The following CALD1 variants were observed in gnomAD, a reference collection of about 807,000 sequenced individuals.
The protein encoded by CALD1 is caldesmon 1.
Under a neutral mutation model 99.9 loss-of-function variants are expected in CALD1, and 33 were observed. The observed-to-expected ratio is 0.33, with a 90% CI of 0.25 to 0.44. The LOEUF (loss-of-function observed/expected upper bound fraction) is 0.44. CALD1 is among the 20% of genes least tolerant of loss of function. CALD1 has a pLI of 1.00. For synonymous variants in CALD1, 310 were observed against 325.0 expected (o/e 0.95, Z 0.50); for missense variants, 861 against 962.1 (o/e 0.89, Z 1.39).
chr7:134,878,539 A>T (rs1472519538), intron 3 of CALD1, among the ~76,000 whole-genome samples: 4 of 152,216 alleles, frequency 2.6e-5, no homozygotes, highest in Non-Finnish European at 4.4e-5. Context: ...ACTGCATTCC[A>T]GCCTGGGTGA....
chr7:134,747,196 C>T (rs191015036), intron 1 of CALD1, among the ~76,000 whole-genome samples: 1 of 152,074 alleles, frequency 6.6e-6, no homozygotes, highest in East Asian at 1.9e-4. Flanking sequence ...AGCCCTGGAA[C>T]CAAAGATAGA....
intron 3 of CALD1, chr7:134,891,307 C>CAGTG: frequency 1.0e-6 from 1 of 991,884 alleles, no homozygotes; most frequent in Non-Finnish European, 1.3e-6. Context: ...CCGAAGCAAT[C>CAGTG]AGTGCTCTCT....
intron 3 of CALD1, among the ~76,000 whole-genome samples, chr7:134,902,461 G>A (rs1430327028): frequency 6.6e-6 from 1 of 152,070 alleles, no homozygotes; most frequent in Admixed American, 6.6e-5. Flanking sequence ...TGAATCTGAA[G>A]GTTTTGGGGC....
chr7:134,764,452 G>T (rs939772240), intron 1 of CALD1, among the ~76,000 whole-genome samples: 3 of 152,130 alleles, frequency 2.0e-5, no homozygotes, highest in Non-Finnish European at 2.9e-5. Context: ...TTAAAATTGT[G>T]TTTGCCTTGT....
intron 1 of CALD1, among the ~76,000 whole-genome samples, chr7:134,760,872 G>T (rs1382205437): frequency 1.3e-5 from 2 of 152,084 alleles, no homozygotes; most frequent in African/African-American, 4.8e-5. Context: ...TTTGTTTTAG[G>T]TTTAGAGGTA....
At chr7:134,892,240 A>AG (rs1802253638) in intron 3 of CALD1, among the ~76,000 whole-genome samples, 1 of 152,226 alleles carries the variant, frequency 6.6e-6, no homozygotes, top group Admixed American at 6.5e-5. Flanking sequence ...TAAAGCCAGA[A>AG]GGGAGGCCTT....
At chr7:134,936,675 G>T (rs1188988429) in intron 6 of CALD1, among the ~76,000 whole-genome samples, 1 of 152,082 alleles carries the variant, frequency 6.6e-6, no homozygotes, top group Non-Finnish European at 1.5e-5. Flanking sequence ...AGAAAACATG[G>T]CCAGATTAAA....
At chr7:134,812,403 G>A (rs1292435174) in intron 1 of CALD1, among the ~76,000 whole-genome samples, 8 of 152,088 alleles carry the variant, frequency 5.3e-5, no homozygotes, top group Admixed American at 4.6e-4. Context: ...GCAAAATTGG[G>A]GTTTAATTGA....
Position 134,781,746 on chromosome 7 carries a change from T to C in CALD1, c.-130+1997T>C, listed in dbSNP as rs572475781. Among the ~76,000 whole-genome samples, 20 of 152,336 alleles carry C rather than the reference T, an allele frequency of 1.3e-4. No individual in the cohort carries two copies. The South Asian group carries it at 3.9e-3, about 30-fold the overall frequency. ...TAAAGTGCAGGGTTGTTTCAAGTAT[T>C]CGAAGCAAATAGAAGGTGTAATTTA... On this transcript the variant is annotated intron_variant, in intron 1 of 14. Coordinates refer to ENST00000361675, the MANE Select transcript of CALD1 (RefSeq NM_033138.4).
chr7:134,711,654 CTCTCTCTATA>C, the CALD1 span, among the ~76,000 whole-genome samples: 65 of 68,136 alleles, frequency 9.5e-4, 1 homozygote, highest in Middle Eastern at 6.3e-3. Flanking sequence ...CTCTCTCTCT[CTCTCTCTATA>C]TATATATATA....
chr7:134,962,495 G>A (rs980473977), intron 13 of CALD1: 37 of 194,844 alleles, frequency 1.9e-4, no homozygotes, highest in African/African-American at 8.6e-4. Context: ...GAAGAACATG[G>A]CAGTTAGTAT....
In CALD1 at chr7:134,856,341, G is replaced by T. The variant is rs116038795; in HGVS notation, c.-41-11352G>T. ...CTGGGCTGGGGCTCCTAAGAGAGAT[G>T]GTGAGAAAAGATAAAAGTCCTGTAG... is the stretch of plus-strand genomic sequence containing the variant. On this transcript the variant is annotated intron_variant, in intron 2 of 14. Coordinates refer to ENST00000361675, the MANE Select transcript of CALD1 (RefSeq NM_033138.4). Among the ~76,000 whole-genome samples, 210 of 152,282 alleles carry T rather than the reference G, an allele frequency of 1.4e-3. 2 individuals carry two copies. Among genetic ancestry groups the T allele is most frequent in the African/African-American group, 4.8e-3 (200 of 41,556 alleles).
At chr7:134,909,695 A>G (rs1033738560) in intron 3 of CALD1, among the ~76,000 whole-genome samples, 1 of 152,182 alleles carries the variant, frequency 6.6e-6, no homozygotes, top group African/African-American at 2.4e-5. Context: ...CAGTCTCAAA[A>G]AAAAAGGAAC....
chr7:134,883,529 T>G (rs558904318), intron 3 of CALD1, among the ~76,000 whole-genome samples: 2 of 151,944 alleles, frequency 1.3e-5, no homozygotes, highest in Admixed American at 6.5e-5. Context: ...TTAGTGAGAT[T>G]AAAAAAAAGG....
At chr7:134,745,005 C>G (rs1365619256) in intron 1 of CALD1, among the ~76,000 whole-genome samples, 1 of 152,190 alleles carries the variant, frequency 6.6e-6, no homozygotes, top group Non-Finnish European at 1.5e-5. Context: ...GATTTATAAG[C>G]TCCACGAAGG....
chr7:134,756,621 T>A (rs922316172), intron 1 of CALD1, among the ~76,000 whole-genome samples: 3 of 152,182 alleles, frequency 2.0e-5, no homozygotes, highest in African/African-American at 7.2e-5. Context: ...ACCCTTTTGT[T>A]ATCTTTTAAA....
At chr7:134,827,418 C>T (rs1563028191) in intron 1 of CALD1, among the ~76,000 whole-genome samples, 1 of 152,164 alleles carries the variant, frequency 6.6e-6, no homozygotes, top group Non-Finnish European at 1.5e-5. Context: ...TGAGCTTTTT[C>T]TCCATACCAG....
At position 134,885,106 on chromosome 7, in the gene CALD1, T is replaced by C. The variant is rs572326448; in HGVS notation, c.71+17302T>C. Among the ~76,000 whole-genome samples, 3 of 152,036 alleles carry C rather than the reference T, an allele frequency of 2.0e-5. No individual in the cohort carries two copies. The South Asian group carries it at 6.2e-4, about 32-fold the overall frequency. On this transcript the variant is annotated intron_variant, in intron 3 of 14. Transcript: ENST00000361675. Reference sequence around the variant, plus strand: ...CACCACCATGCCAGGCTAACTTTTGTACTTTTAACAGAGACGGGGTTTCAC... The same window carrying C: ...CACCACCATGCCAGGCTAACTTTTGCACTTTTAACAGAGACGGGGTTTCAC...
chr7:134,937,636 C>CAA (rs564323364), intron 6 of CALD1, among the ~76,000 whole-genome samples: 2,152 of 97,298 alleles, frequency 0.022, 43 homozygotes, highest in African/African-American at 0.077. Flanking sequence ...CCTTTTTGTA[C>CAA]AAAAAAAAAA....
Sources: allele counts gnomAD v4.1 joint callset (sites outside exome capture counted in the v4.1 genomes callset), GRCh38; gene constraint gnomAD v4.1.1; transcripts MANE v1.5; gene names NCBI Gene and HGNC (gene_info 2026-07-23, HGNC 2026-07-21).